ZC3H12B: variants seen among roughly 807,000 people sequenced by gnomAD.
ZC3H12B encodes zinc finger CCCH-type containing 12B.
ZC3H12B carries 7 observed loss-of-function variants against 43.9 expected under a neutral mutation model. The observed-to-expected ratio is 0.16, with a 90% CI of 0.09 to 0.30. ZC3H12B has a LOEUF of 0.30. Ranked by LOEUF, ZC3H12B falls within the 10% of genes least tolerant of loss-of-function variation. ZC3H12B has a pLI of 1.00. For synonymous variants in ZC3H12B, 222 were observed against 241.7 expected, an observed-to-expected ratio of 0.92 and a Z score of 0.76; for missense variants, 475 against 670.2, an observed-to-expected ratio of 0.71 and a Z score of 3.22.
intron 3 of ZC3H12B, among the ~76,000 whole-genome samples, chrX:65,435,900 G>T (rs1230426429): frequency 7.1e-5 from 8 of 112,077 alleles, no homozygotes; most frequent in East Asian, 2.8e-4. Context: ...TGAGAATATG[G>T]GGAGCCGCTC....
chrX:65,451,503 ATTT>A (rs2067511695), intron 3 of ZC3H12B, among the ~76,000 whole-genome samples: 1 of 108,405 alleles, frequency 9.2e-6, no homozygotes, highest in African/African-American at 3.4e-5. Context: ...TTTTTTCTTT[ATTT>A]TTATTTTTAT....
chrX:65,450,927 A>G (rs1200124276), intron 3 of ZC3H12B, among the ~76,000 whole-genome samples: 1 of 97,634 alleles, frequency 1.0e-5, no homozygotes, highest in African/African-American at 3.8e-5. Context: ...ACACACATAT[A>G]TATATATACA....
chrX:65,152,788 C>T, the ZC3H12B span, among the ~76,000 whole-genome samples: 8 of 111,573 alleles, frequency 7.2e-5, no homozygotes, highest in African/African-American at 2.6e-4. Flanking sequence ...AATCCTAAGC[C>T]AAAGGAACAA....
chrX:65,123,391 T>G, the ZC3H12B span, among the ~76,000 whole-genome samples: 2 of 111,013 alleles, frequency 1.8e-5, no homozygotes, highest in Non-Finnish European at 3.8e-5. Flanking sequence ...AATTCTCTTT[T>G]TGTGTGTGTG....
chrX:65,098,704 A>G, the ZC3H12B span, among the ~76,000 whole-genome samples: 1 of 110,773 alleles, frequency 9.0e-6, no homozygotes, highest in Admixed American at 9.7e-5. Flanking sequence ...TCTGGCCCAG[A>G]TAATACACTT....
At chrX:65,064,622 GA>G in the ZC3H12B span, among the ~76,000 whole-genome samples, 16 of 111,657 alleles carry the variant, frequency 1.4e-4, no homozygotes, top group African/African-American at 5.2e-4. Context: ...ATATTCTGTT[GA>G]ACTGGGGTGG....
the ZC3H12B span, among the ~76,000 whole-genome samples, chrX:65,063,366 A>G: frequency 8.9e-6 from 1 of 112,016 alleles, no homozygotes; most frequent in Middle Eastern, 4.6e-3. Context: ...TGTTTTTAGC[A>G]TGAAGGCCTG....
chrX:65,127,539 G>T, the ZC3H12B span, among the ~76,000 whole-genome samples: 8 of 110,971 alleles, frequency 7.2e-5, no homozygotes, highest in Non-Finnish European at 1.3e-4. Context: ...GGGACACCTG[G>T]TTAAGTATTC....
chrX:65,098,776 C>A, the ZC3H12B span, among the ~76,000 whole-genome samples: 33 of 111,288 alleles, frequency 3.0e-4, no homozygotes, highest in Non-Finnish European at 4.0e-4. Context: ...ATCACCAGGG[C>A]CCTGGGTTTC....
chrX:65,156,429 G>T, the ZC3H12B span, among the ~76,000 whole-genome samples: 2 of 111,743 alleles, frequency 1.8e-5, no homozygotes, highest in African/African-American at 6.5e-5. Context: ...CGCCCATGCT[G>T]GAGTGCAATG....
the ZC3H12B span, among the ~76,000 whole-genome samples, chrX:65,192,839 G>A: frequency 1.8e-5 from 2 of 111,393 alleles, no homozygotes; most frequent in African/African-American, 6.6e-5. Context: ...CTATTGCTGG[G>A]CTGGAGTGCA....
chrX:65,382,390 C>T (rs2066455622), intron 2 of ZC3H12B, among the ~76,000 whole-genome samples: 1 of 110,745 alleles, frequency 9.0e-6, no homozygotes, highest in Non-Finnish European at 1.9e-5. Context: ...AGGCCTTTGA[C>T]AAAATTCAAC....
chrX:65,251,827 A>C, the ZC3H12B span, among the ~76,000 whole-genome samples: 2 of 110,287 alleles, frequency 1.8e-5, no homozygotes, highest in Admixed American at 9.6e-5. Context: ...AGCTTAAGGA[A>C]ATTTTGGGCT....
intron 3 of ZC3H12B, among the ~76,000 whole-genome samples, chrX:65,415,829 C>A (rs73213337): frequency 8.9e-6 from 1 of 112,154 alleles, no homozygotes; most frequent in Non-Finnish European, 1.9e-5. Context: ...GTGGATATTA[C>A]ATGAAAAAAT....
At chrX:65,058,788 C>T in the ZC3H12B span, among the ~76,000 whole-genome samples, 1 of 112,094 alleles carries the variant, frequency 8.9e-6, no homozygotes, top group African/African-American at 3.2e-5. Flanking sequence ...GCCGCTCTTC[C>T]CCCAGCCTCA....
chrX:65,429,319 A>G (rs1234740551), intron 3 of ZC3H12B, among the ~76,000 whole-genome samples: 1 of 112,289 alleles, frequency 8.9e-6, no homozygotes, highest in Non-Finnish European at 1.9e-5. Flanking sequence ...CCCCCAATTG[A>G]TATGGGCTCT....
At chrX:65,300,611 G>A in the ZC3H12B span, among the ~76,000 whole-genome samples, 1 of 110,827 alleles carries the variant, frequency 9.0e-6, no homozygotes, top group Non-Finnish European at 1.9e-5. Context: ...ATAATCTCTT[G>A]GGAAGACTAT....
intron 2 of ZC3H12B, among the ~76,000 whole-genome samples, chrX:65,376,380 G>C (rs1414123864): frequency 8.9e-6 from 1 of 111,923 alleles, no homozygotes; most frequent in African/African-American, 3.3e-5. Context: ...AATGCAGGCT[G>C]GCTTTATGAC....
chrX:65,434,198 G>A (rs930186470), intron 3 of ZC3H12B, among the ~76,000 whole-genome samples: 7 of 111,888 alleles, frequency 6.3e-5, no homozygotes, highest in African/African-American at 2.0e-4. Context: ...GTAAGGTCTG[G>A]CCTGCAGAGA....
Sources: allele counts gnomAD v4.1 joint callset (sites outside exome capture counted in the v4.1 genomes callset), GRCh38; gene constraint gnomAD v4.1.1; transcripts MANE v1.5; gene names NCBI Gene and HGNC (gene_info 2026-07-23, HGNC 2026-07-21).